Variants in ZNF730 observed in about 807,000 individuals in gnomAD.
ZNF730 encodes zinc finger protein 730, also known as putative zinc finger protein 730.
Under a neutral mutation model 12.6 loss-of-function variants are expected in ZNF730, and 12 were observed. The ratio of observed to expected loss-of-function variants is 0.95; its 90% CI spans 0.61 to 1.54. ZNF730 has a LOEUF of 1.54. Ranked by LOEUF, ZNF730 falls within the 40% of genes most tolerant of loss-of-function variation. The pLI is 0.00. For missense variants in ZNF730, 643 were observed against 583.5 expected (o/e 1.10, Z -1.05); for synonymous variants, 194 against 195.8 (o/e 0.99, Z 0.08).
chr19:23,126,567 G>C (rs1269119021), intron 1 of ZNF730: 3 of 429,590 alleles, frequency 7.0e-6, no homozygotes, highest in Non-Finnish European at 1.4e-5. Context: ...GCAGAATGTG[G>C]CTTATGTGTC....
chr19:23,133,298 A>T (rs139615391), intron 1 of ZNF730, among the ~76,000 whole-genome samples: 55 of 152,290 alleles, frequency 3.6e-4, no homozygotes, highest in African/African-American at 1.3e-3. Context: ...TTCTTGGGCC[A>T]TAAATATTGG....
At chr19:23,084,623 C>T (rs1970026393) in intron 1 of ZNF730, among the ~76,000 whole-genome samples, 1 of 152,164 alleles carries the variant, frequency 6.6e-6, no homozygotes, top group Admixed American at 6.6e-5. Flanking sequence ...ACCTTCCACC[C>T]TCTGAAAGGC....
At chr19:23,116,382 TTTC>T (rs1970523542), upstream of ZNF730, among the ~76,000 whole-genome samples, 1 of 151,194 alleles carries the variant, frequency 6.6e-6, no homozygotes, top group African/African-American at 2.4e-5. Context: ...TTTCTTTCTT[TTTC>T]TCTCTCTCTT....
intron 1 of ZNF730, chr19:23,095,311 T>C (rs1466112446): frequency 2.5e-6 from 1 of 398,496 alleles, no homozygotes; most frequent in East Asian, 3.6e-5. Flanking sequence ...TATGTGACTC[T>C]CCTGCGTGTG....
intron 1 of ZNF730, among the ~76,000 whole-genome samples, chr19:23,105,106 AT>A (rs1361845921): frequency 2.3e-5 from 3 of 129,308 alleles, no homozygotes; most frequent in Non-Finnish European, 3.3e-5. Flanking sequence ...TCCTGTTATG[AT>A]TTTTTCTTTT....
At chr19:23,144,365 A>G (rs1970972011) in intron 3 of ZNF730, 1 of 152,128 alleles carries the variant, frequency 6.6e-6, no homozygotes, top group Non-Finnish European at 1.5e-5. Flanking sequence ...CTTGTCTAAA[A>G]TTTTGTGTTT....
At chr19:23,101,567 T>C (rs1477476423) in intron 1 of ZNF730, among the ~76,000 whole-genome samples, 2 of 152,206 alleles carry the variant, frequency 1.3e-5, no homozygotes, top group Non-Finnish European at 2.9e-5. Flanking sequence ...GATTTGACTT[T>C]GCTGCCTTGG....
At chr19:23,077,804 G>C (rs1477135218) in intron 1 of ZNF730, among the ~76,000 whole-genome samples, 2 of 152,106 alleles carry the variant, frequency 1.3e-5, no homozygotes, top group East Asian at 3.9e-4. Flanking sequence ...AGGCATAAGA[G>C]ACTCCATTTT....
chr19:23,079,943 T>TTTTA (rs768442018), intron 1 of ZNF730, among the ~76,000 whole-genome samples: 18 of 152,098 alleles, frequency 1.2e-4, no homozygotes, highest in Non-Finnish European at 2.2e-4. Flanking sequence ...GATGTCCCTA[T>TTTTA]TTTATTTATT....
chr19:23,114,946 G>T (rs1047581699), upstream of ZNF730, among the ~76,000 whole-genome samples: 1 of 152,050 alleles, frequency 6.6e-6, no homozygotes, highest in Admixed American at 6.6e-5. Flanking sequence ...CATCATGCTT[G>T]GCTAATTTTT....
At chr19:23,080,847 C>CTTTT (rs552923947) in intron 1 of ZNF730, among the ~76,000 whole-genome samples, 1 of 125,064 alleles carries the variant, frequency 8.0e-6, no homozygotes, top group African/African-American at 3.2e-5. Context: ...TTTTTCTTTT[C>CTTTT]TTTTTTTTTT....
chr19:23,141,523 T>C (rs564010006), intron 3 of ZNF730, among the ~76,000 whole-genome samples: 1 of 152,326 alleles, frequency 6.6e-6, no homozygotes, highest in Non-Finnish European at 1.5e-5. Context: ...GCTGTAATTG[T>C]GCCACTGCAC....
intron 1 of ZNF730, among the ~76,000 whole-genome samples, chr19:23,084,580 T>G (rs530763209): frequency 1.4e-4 from 21 of 152,294 alleles, no homozygotes; most frequent in African/African-American, 4.6e-4. Flanking sequence ...TAAGTACCCA[T>G]TAGTTATTTT....
intron 1 of ZNF730, among the ~76,000 whole-genome samples, chr19:23,088,417 A>G (rs1337015355): frequency 4.0e-5 from 6 of 151,842 alleles, no homozygotes; most frequent in Non-Finnish European, 8.8e-5. Context: ...TTTGAGATAT[A>G]TTTTTTCAAT....
At chr19:23,094,423 ATAGAT>A (rs961893255) in intron 1 of ZNF730, among the ~76,000 whole-genome samples, 4 of 150,820 alleles carry the variant, frequency 2.7e-5, no homozygotes, top group African/African-American at 9.8e-5. Context: ...TGGGCACTCT[ATAGAT>A]AGGTAGGTAG....
chr19:23,139,513 T>C (rs1970883306), intron 3 of ZNF730, among the ~76,000 whole-genome samples: 1 of 152,028 alleles, frequency 6.6e-6, no homozygotes, highest in Admixed American at 6.6e-5. Flanking sequence ...AGACAAACTC[T>C]TTTTTTGTTT....
chr19:23,076,550 G>A (rs1969865124), intron 1 of ZNF730, among the ~76,000 whole-genome samples: 1 of 152,134 alleles, frequency 6.6e-6, no homozygotes, highest in Non-Finnish European at 1.5e-5. Flanking sequence ...ATCTCTTGGA[G>A]TGTCTAATGA....
chr19:23,095,646 G>C, intron 1 of ZNF730: 1 of 387,384 alleles, frequency 2.6e-6, no homozygotes. Context: ...GTGGTGTATT[G>C]CTGGGCCCAG....
chr19:23,144,669 C>T (rs966023248), intron 3 of ZNF730, among the ~76,000 whole-genome samples: 1 of 121,330 alleles, frequency 8.2e-6, no homozygotes, highest in Non-Finnish European at 1.6e-5. Flanking sequence ...CACCGCACTC[C>T]AGCCTGGGTG....
Sources: gnomAD v4.1 joint callset for allele counts (sites outside exome capture counted in the v4.1 genomes callset) on GRCh38, gnomAD v4.1.1 for gene constraint, MANE v1.5 for transcripts, NCBI Gene and HGNC (gene_info 2026-07-23, HGNC 2026-07-21) for gene names.